SNX13: variants seen among roughly 807,000 people sequenced by gnomAD.
The protein encoded by SNX13 is sorting nexin-13.
A neutral mutation model predicts 133.6 loss-of-function variants in SNX13; 45 were observed. The ratio of observed to expected loss-of-function variants is 0.34; its 90% confidence interval spans 0.27 to 0.43. The LOEUF (loss-of-function observed/expected upper bound fraction) is 0.43. SNX13 is among the 20% of genes least tolerant of loss of function. The pLI is 1.00. For synonymous variants in SNX13, 414 were observed against 373.9 expected (o/e 1.11, Z -1.24); for missense variants, 1,032 against 1,145.1 (o/e 0.90, Z 1.43).
chr7:17,923,391 A>G (rs971818826), intron 1 of SNX13, among the ~76,000 whole-genome samples: 1 of 152,190 alleles, frequency 6.6e-6, no homozygotes, highest in East Asian at 1.9e-4. Flanking sequence ...AAACCCCTCA[A>G]TGAGAAAAGG....
intron 9 of SNX13, among the ~76,000 whole-genome samples, chr7:17,853,423 T>C (rs1791484940): frequency 6.6e-6 from 1 of 152,096 alleles, no homozygotes; most frequent in Non-Finnish European, 1.5e-5. Context: ...CTGAATACTG[T>C]AAAAGTACAA....
intron 5 of SNX13, chr7:17,882,813 TTTAAA>T: frequency 8.0e-6 from 10 of 1,245,694 alleles, no homozygotes; most frequent in Non-Finnish European, 1.0e-5. Context: ...AGAGCCAGAA[TTTAAA>T]TTACATATTC....
intron 9 of SNX13, among the ~76,000 whole-genome samples, chr7:17,859,099 G>A (rs758906512): frequency 1.8e-4 from 28 of 151,942 alleles, no homozygotes; most frequent in Non-Finnish European, 3.4e-4. Context: ...GGGAAATTAC[G>A]TTTCATCAAA....
intron 20 of SNX13, among the ~76,000 whole-genome samples, chr7:17,810,378 A>G (rs2128294495): frequency 6.6e-6 from 1 of 152,342 alleles, no homozygotes; most frequent in Admixed American, 6.5e-5. Flanking sequence ...GAAGAAACAG[A>G]AAAATTCCTA....
At chr7:17,914,065 C>T (rs1336985568) in intron 1 of SNX13, among the ~76,000 whole-genome samples, 1 of 151,872 alleles carries the variant, frequency 6.6e-6, no homozygotes, top group African/African-American at 2.4e-5. Flanking sequence ...AACAGAACGT[C>T]TGGAATTGAA....
chr7:17,861,399 A>C (rs1368632694), intron 9 of SNX13, among the ~76,000 whole-genome samples: 2 of 151,742 alleles, frequency 1.3e-5, no homozygotes, highest in Non-Finnish European at 2.9e-5. Flanking sequence ...TAACTGCAAA[A>C]ATAATTCGCA....
intron 9 of SNX13, 76 bp downstream of exon 9, chr7:17,868,331 A>C: frequency 1.0e-6 from 1 of 990,608 alleles, no homozygotes; most frequent in Middle Eastern, 2.2e-4. Flanking sequence ...CTGCTTAAAC[A>C]CCCTATCTCC....
rs777463451 is a variant in SNX13 at position 17,850,327 on chromosome 7, T to C, written c.1065+20A>G. 6.5e-6 allele frequency: 10 copies of C among 1,535,982 alleles called. No homozygotes were observed. Among genetic ancestry groups the C allele is most frequent in the Admixed American group, 1.9e-5 (1 of 51,790 alleles). On this transcript the variant is annotated intron_variant, in intron 11 of 25. Transcript: ENST00000428135. ...TATAGTATTTATAACTAAACGTTAA[T>C]TCAAAACTACTTTACTTACTTTGCC...
At chr7:17,888,755 T>C (rs530244734) in intron 5 of SNX13, 2 of 470,580 alleles carry the variant, frequency 4.3e-6, no homozygotes, top group African/African-American at 4.0e-5. Flanking sequence ...AAAATATTAG[T>C]TGAATAAGAT....
intron 13 of SNX13, among the ~76,000 whole-genome samples, chr7:17,839,421 T>C (rs1250546373): frequency 6.6e-6 from 1 of 151,818 alleles, no homozygotes; most frequent in East Asian, 1.9e-4. Flanking sequence ...GTTTCATTCA[T>C]TGGGGGGCTC....
At chr7:17,926,379 ATTG>A (rs1359555082) in intron 1 of SNX13, among the ~76,000 whole-genome samples, 4 of 152,206 alleles carry the variant, frequency 2.6e-5, no homozygotes, top group Non-Finnish European at 4.4e-5. Flanking sequence ...AAAAAGGTAA[ATTG>A]TTGTACTATC....
At chr7:17,830,231 C>G (rs73081336) in intron 15 of SNX13, 184 bp from the exon 16 acceptor site, 95,737 of 975,370 alleles carry the variant, frequency 0.098, 4,756 homozygotes, top group Non-Finnish European at 0.1. Context: ...CCATGGTTTT[C>G]TAAGACAGGC....
At chr7:17,891,822 A>C (rs1796661352) in intron 3 of SNX13, among the ~76,000 whole-genome samples, 187 bp from the exon 4 acceptor site, 1 of 152,122 alleles carries the variant, frequency 6.6e-6, no homozygotes, top group Admixed American at 6.6e-5. Context: ...ACTCCCAAAA[A>C]AATGATTATC....
chr7:17,806,862 A>G (rs961150833), intron 20 of SNX13, among the ~76,000 whole-genome samples: 41 of 151,972 alleles, frequency 2.7e-4, no homozygotes, highest in Admixed American at 7.2e-4. Flanking sequence ...GGGTCAGGGA[A>G]CTCCTTCCCT....
chr7:17,819,892 A>AACAC (rs61318514), intron 18 of SNX13, among the ~76,000 whole-genome samples: 17 of 150,030 alleles, frequency 1.1e-4, no homozygotes, highest in Non-Finnish European at 2.1e-4. Context: ...CTTTATAAGA[A>AACAC]ACACACACAC....
chr7:17,883,944 T>C (rs972295366), intron 5 of SNX13, among the ~76,000 whole-genome samples: 4 of 152,340 alleles, frequency 2.6e-5, no homozygotes, highest in East Asian at 3.9e-4. Context: ...GTTATGCTCA[T>C]TTATTTGCAT....
Position 17,850,433 on chromosome 7 carries a change from T to C in SNX13, c.979A>G (p.Ile327Val). 6.5e-7 allele frequency: 1 copy of C among 1,547,934 alleles called. No individual in the cohort carries two copies. Among genetic ancestry groups the C allele is most frequent in the Non-Finnish European group, 8.8e-7 (1 of 1,140,734 alleles). Reference protein sequence around the residue: ...LRSLDTAGDDINTIKNQINSL... With the variant: ...LRSLDTAGDDVNTIKNQINSL... ...TTTATTTGATTTTTGATAGTGTTGA[T>C]ATCTAAAAGCAAAGAAATCATGAAC... is the stretch of plus-strand genomic sequence containing the variant. Residue 327 changes from isoleucine to valine, a missense_variant and splice_region_variant, in exon 11 of 26, where the codon ATC (isoleucine) becomes GTC (valine). Physicochemically the swap from Ile to Val is conservative, Grantham distance 29 (BLOSUM62 3). Transcript: ENST00000428135.
At chr7:17,940,227 C>T (rs1802672999) in intron 1 of SNX13, 57 bp downstream of exon 1, 1 of 1,551,406 alleles carries the variant, frequency 6.4e-7, no homozygotes, top group Non-Finnish European at 8.7e-7. Flanking sequence ...CTCTGACGGG[C>T]TGGCGCCGGC....
chr7:17,876,574 CA>C (rs200148485), intron 5 of SNX13, among the ~76,000 whole-genome samples: 570 of 120,786 alleles, frequency 4.7e-3, no homozygotes, highest in African/African-American at 0.013. Context: ...GCTATCTCAT[CA>C]AAAAAAAAAA....
Sources: gnomAD v4.1 joint callset for allele counts (sites outside exome capture counted in the v4.1 genomes callset) on GRCh38, gnomAD v4.1.1 for gene constraint, MANE v1.5 for transcripts, NCBI Gene and HGNC (gene_info 2026-07-23, HGNC 2026-07-21) for gene names.